Variants in CPPED1 observed in about 807,000 individuals in gnomAD.
The protein encoded by CPPED1 is serine/threonine-protein phosphatase CPPED1.
CPPED1 carries 28 observed loss-of-function variants against 28.0 expected under a neutral mutation model. That is an observed-to-expected ratio of 1.00 (90% CI 0.74 to 1.37). CPPED1 has a LOEUF of 1.37. CPPED1 is among the 40% of genes most tolerant of loss of function. The pLI is 0.00. For missense variants in CPPED1, 504 were observed against 416.5 expected, an observed-to-expected ratio of 1.21 and a Z score of -1.83; for synonymous variants, 198 against 180.2, an observed-to-expected ratio of 1.10 and a Z score of -0.79.
chr16:12,715,254 AG>A (rs2080101405), intron 2 of CPPED1, among the ~76,000 whole-genome samples: 2 of 152,140 alleles, frequency 1.3e-5, no homozygotes, highest in Non-Finnish European at 2.9e-5. Context: ...TTCCTTTTCA[AG>A]GTTGTTTTCG....
chr16:12,664,337 GT>G lies in CPPED1; in HGVS notation c.*548del, dbSNP rs2079812855. ...AAGTCTCAGAATTGAACAGTAAATG[GT>G]GCCTACTTGGCTCCTTGTCAAAATA... On this transcript the variant is annotated 3_prime_UTR_variant, in exon 4 of 4. Coordinates refer to ENST00000381774, the MANE Select transcript of CPPED1 (RefSeq NM_018340.3). The surrounding 1 kb of genome is among the most constrained non-coding windows in gnomAD (Gnocchi z 4.2). The G allele has an allele frequency of 3.1e-6, 3 of 983,152 alleles. No individual in the cohort carries two copies. In the South Asian group the frequency reaches 1.4e-4, roughly 46 times the overall value. The allele number at this position is 983,152 out of a possible 1,614,324, so 60.9% of individuals were successfully genotyped here.
intron 3 of CPPED1, among the ~76,000 whole-genome samples, chr16:12,692,609 C>T (rs12051089): frequency 0.18 from 27,585 of 151,974 alleles, 4,034 homozygotes; most frequent in African/African-American, 0.4. Flanking sequence ...GTCGGCAAAA[C>T]GGAAAAAATA....
chr16:12,661,924 C>T lies in CPPED1; in HGVS notation c.*2962G>A, dbSNP rs932444905. On this transcript the variant is annotated 3_prime_UTR_variant, in exon 4 of 4. Coordinates refer to ENST00000381774, the MANE Select transcript of CPPED1 (RefSeq NM_018340.3). ...TAACGCTGTCCAAGGTGCTGAATAC[C>T]GTACTCAGTGTGTTGCCACTGGCTG... is the stretch of plus-strand genomic sequence containing the variant. 6.6e-6 allele frequency: 1 copy of T among 152,380 alleles called. No homozygotes were observed. The highest frequency in any genetic ancestry group is 1.5e-5 in the Non-Finnish European group (1 of 68,170). The allele number at this position is 152,380 out of a possible 1,614,324, so 9.4% of individuals were successfully genotyped here.
intron 2 of CPPED1, among the ~76,000 whole-genome samples, chr16:12,774,639 A>T (rs1271837826): frequency 6.6e-6 from 1 of 152,056 alleles, no homozygotes; most frequent in Non-Finnish European, 1.5e-5. Flanking sequence ...GTCCTCCAAA[A>T]CTCATGTTGA....
intron 2 of CPPED1, among the ~76,000 whole-genome samples, chr16:12,740,290 C>T (rs939377202): frequency 6.6e-6 from 1 of 151,748 alleles, no homozygotes; most frequent in African/African-American, 2.4e-5. Flanking sequence ...TACAAAAATA[C>T]AAAAATTAGC....
At chr16:12,721,437 G>T (rs2080139366) in intron 2 of CPPED1, among the ~76,000 whole-genome samples, 1 of 152,112 alleles carries the variant, frequency 6.6e-6, no homozygotes, top group Non-Finnish European at 1.5e-5. Flanking sequence ...GCTGGAACTA[G>T]GAGTAGAGAA....
intron 1 of CPPED1, among the ~76,000 whole-genome samples, chr16:12,797,329 T>G (rs375187545): frequency 6.6e-6 from 1 of 152,186 alleles, no homozygotes. Context: ...GGCAGGAGGA[T>G]TGCTCGGGTC....
Position 12,664,848 on chromosome 16 carries a change from T to A in CPPED1, c.*38A>T. ...TGCTGTTTCTGGCAAAATAAAAAAA[T>A]AGTGCAAGTGAAAAGTGAACGGGAA... On this transcript the variant is annotated 3_prime_UTR_variant, in exon 4 of 4. Transcript: ENST00000381774. The surrounding 1 kb of genome is among the most constrained non-coding windows in gnomAD (Gnocchi z 4.2). The A allele has an allele frequency of 1.2e-6, 2 of 1,606,658 alleles. No homozygotes were observed. Among genetic ancestry groups the A allele is most frequent in the Non-Finnish European group, 1.7e-6 (2 of 1,178,108 alleles).
chr16:12,716,774 T>C (rs922654502), intron 2 of CPPED1, among the ~76,000 whole-genome samples: 30 of 152,232 alleles, frequency 2.0e-4, no homozygotes, highest in African/African-American at 7.2e-4. Context: ...GCACCCCTGC[T>C]ACCCACTGTG....
At chr16:12,697,469 C>A (rs1217135732) in intron 3 of CPPED1, among the ~76,000 whole-genome samples, 1 of 152,138 alleles carries the variant, frequency 6.6e-6, no homozygotes, top group Admixed American at 6.5e-5. Flanking sequence ...TCTGGGCAGA[C>A]CTTTCTGTCA....
rs185850405 is a variant in CPPED1 at position 12,663,962 on chromosome 16, T to A, written c.*924A>T. 2 of 152,248 alleles carry A rather than the reference T, an allele frequency of 1.3e-5. No homozygotes were observed. Among genetic ancestry groups the A allele is most frequent in the African/African-American group, 4.8e-5 (2 of 41,460 alleles). 9.4% of individuals were successfully genotyped at this position (152,248 alleles called of 1,614,324 possible). A position where few individuals can be genotyped will look rare whatever the true frequency, so the allele number is the denominator to read the frequency against. ...TCCAAGTCAGGGCCAATTCAGAGGATGTGGCTGAAGGCACCGTTTTGGCCT... is the reference window on the plus strand; with the variant it reads ...TCCAAGTCAGGGCCAATTCAGAGGAAGTGGCTGAAGGCACCGTTTTGGCCT... On this transcript the variant is annotated 3_prime_UTR_variant, in exon 4 of 4. Transcript: ENST00000381774.
chr16:12,771,488 C>G (rs1249294409), intron 2 of CPPED1, among the ~76,000 whole-genome samples: 1 of 152,200 alleles, frequency 6.6e-6, no homozygotes, highest in Admixed American at 6.5e-5. Context: ...ACACACACCC[C>G]CACTGCCCTT....
At chr16:12,749,789 C>A (rs1380404343) in intron 2 of CPPED1, among the ~76,000 whole-genome samples, 1 of 152,170 alleles carries the variant, frequency 6.6e-6, no homozygotes, top group Non-Finnish European at 1.5e-5. Context: ...GGGATTTCAT[C>A]ATGTTGACCA....
chr16:12,703,884 T>C (rs144656454), intron 3 of CPPED1, among the ~76,000 whole-genome samples: 4 of 152,008 alleles, frequency 2.6e-5, no homozygotes, highest in Non-Finnish European at 5.9e-5. Flanking sequence ...TGCCTTAGAG[T>C]GCCATCAGAA....
intron 2 of CPPED1, 53 bp downstream of exon 2, chr16:12,781,132 C>G: frequency 6.6e-7 from 1 of 1,513,966 alleles, no homozygotes; most frequent in Non-Finnish European, 9.1e-7. Flanking sequence ...TGCCCAAATG[C>G]AGTCATGACC....
At chr16:12,750,996 C>T (rs1233942082) in intron 2 of CPPED1, among the ~76,000 whole-genome samples, 1 of 150,110 alleles carries the variant, frequency 6.7e-6, no homozygotes, top group East Asian at 2.0e-4. Flanking sequence ...AAACAAACAA[C>T]AACAACAAAA....
chr16:12,674,396 G>C (rs1224787589), intron 3 of CPPED1, among the ~76,000 whole-genome samples: 1 of 152,148 alleles, frequency 6.6e-6, no homozygotes, highest in Admixed American at 6.5e-5. Flanking sequence ...AACACTTCTT[G>C]GGTTGGAGCC....
Position 12,665,067 on chromosome 16 carries a change from G to A in CPPED1, c.764C>T (p.Thr255Ile), listed in dbSNP as rs1411592550. ...SGHYHRNAGG[T>I]YQNLDMVVSS... is the part of the protein sequence containing the mutation. The stretch of plus-strand genomic sequence containing the variant: ...CACCACCATGTCGAGGTTCTGGTAG[G>A]TACCCCCGGCATTCCTGTGGTAGTG... Residue 255 changes from threonine (T) to isoleucine (I), a missense_variant, in exon 4 of 4, where the codon ACC (threonine) becomes ATC (isoleucine). Coordinates refer to ENST00000381774, the MANE Select transcript of CPPED1 (RefSeq NM_018340.3). 6.2e-7 allele frequency: 1 copy of A among 1,607,876 alleles called. No individual in the cohort carries two copies. Among genetic ancestry groups the A allele is most frequent in the South Asian group, 1.1e-5 (1 of 90,554 alleles).
intron 1 of CPPED1, among the ~76,000 whole-genome samples, chr16:12,796,336 A>G (rs1321619058): frequency 6.6e-6 from 1 of 151,778 alleles, no homozygotes; most frequent in Non-Finnish European, 1.5e-5. Context: ...TCTACTAAAA[A>G]ATACAAAAAT....
Sources: gnomAD v4.1 joint callset for allele counts (sites outside exome capture counted in the v4.1 genomes callset) on GRCh38, gnomAD v4.1.1 for gene constraint, Gnocchi (gnomAD v3.1) non-coding constraint, MANE v1.5 for transcripts, NCBI Gene and HGNC (gene_info 2026-07-23, HGNC 2026-07-21) for gene names.